Variants in HS3ST4 observed in about 807,000 individuals in gnomAD.
HS3ST4 encodes heparan sulfate-glucosamine 3-sulfotransferase 4.
Under a neutral mutation model 29.2 loss-of-function variants are expected in HS3ST4, and 17 were observed. The observed-to-expected ratio is 0.58, with a 90% CI of 0.40 to 0.87. The LOEUF (loss-of-function observed/expected upper bound fraction) is 0.87. Ranked by LOEUF, HS3ST4 falls within the 40% of genes least tolerant of loss-of-function variation. HS3ST4 has a pLI of 0.00. For missense variants in HS3ST4, 627 were observed against 634.5 expected, an observed-to-expected ratio of 0.99 and a Z score of 0.13; for synonymous variants, 314 against 285.7, an observed-to-expected ratio of 1.10 and a Z score of -1.00.
chr16:26,087,815 G>T (rs1215547023), intron 1 of HS3ST4, among the ~76,000 whole-genome samples: 1 of 152,020 alleles, frequency 6.6e-6, no homozygotes, highest in African/African-American at 2.4e-5. Flanking sequence ...TTTGGATTTT[G>T]GAGCATTTTA....
chr16:25,787,155 T>C (rs1966858923), intron 1 of HS3ST4, among the ~76,000 whole-genome samples: 1 of 152,262 alleles, frequency 6.6e-6, no homozygotes, highest in Admixed American at 6.5e-5. Flanking sequence ...GAATATATAA[T>C]ATAGTTTCAC....
chr16:25,755,878 A>G (rs1235856323), intron 1 of HS3ST4, among the ~76,000 whole-genome samples: 1 of 151,906 alleles, frequency 6.6e-6, no homozygotes. Context: ...TTTCATCATC[A>G]CACTGGCACT....
intron 1 of HS3ST4, among the ~76,000 whole-genome samples, chr16:26,053,533 G>A (rs1898371159): frequency 6.6e-6 from 1 of 152,100 alleles, no homozygotes; most frequent in Non-Finnish European, 1.5e-5. Context: ...TCTTTCTCAG[G>A]AAGACCAAAT....
intron 1 of HS3ST4, among the ~76,000 whole-genome samples, chr16:25,721,730 C>T (rs1269610235): frequency 1.3e-5 from 2 of 152,144 alleles, no homozygotes; most frequent in Non-Finnish European, 2.9e-5. Flanking sequence ...GGATACTGCC[C>T]AGTGCAAGAG....
At chr16:26,122,150 T>C (rs1185011047) in intron 1 of HS3ST4, among the ~76,000 whole-genome samples, 1 of 139,748 alleles carries the variant, frequency 7.2e-6, no homozygotes, top group East Asian at 2.1e-4. Context: ...CACATCCCTA[T>C]GGATACTAAA....
intron 1 of HS3ST4, among the ~76,000 whole-genome samples, chr16:25,817,166 G>A (rs1967101225): frequency 6.6e-6 from 1 of 152,208 alleles, no homozygotes; most frequent in Admixed American, 6.5e-5. Flanking sequence ...ACTCTTCAGT[G>A]TCCTCAACCT....
chr16:25,981,085 C>T (rs781006203), intron 1 of HS3ST4, among the ~76,000 whole-genome samples: 1 of 151,970 alleles, frequency 6.6e-6, no homozygotes, highest in South Asian at 2.1e-4. Flanking sequence ...AGGCTGGGCA[C>T]GGTGCCTCAG....
chr16:25,846,547 AAG>A (rs1967468028), intron 1 of HS3ST4, among the ~76,000 whole-genome samples: 1 of 151,756 alleles, frequency 6.6e-6, no homozygotes, highest in African/African-American at 2.4e-5. Flanking sequence ...AAAAAAAAAA[AAG>A]TTGTATTTTT....
chr16:25,931,610 A>G (rs1351714550), intron 1 of HS3ST4, among the ~76,000 whole-genome samples: 1 of 152,232 alleles, frequency 6.6e-6, no homozygotes, highest in African/African-American at 2.4e-5. Flanking sequence ...GACTGACTTC[A>G]TTATGCAGGA....
chr16:26,115,750 A>G (rs989244479), intron 1 of HS3ST4, among the ~76,000 whole-genome samples: 1 of 152,178 alleles, frequency 6.6e-6, no homozygotes, highest in Non-Finnish European at 1.5e-5. Flanking sequence ...AAAACATTCT[A>G]TAGACTTGGC....
At chr16:26,032,779 C>G in intron 1 of HS3ST4, 8 of 1,332,972 alleles carry the variant, frequency 6.0e-6, no homozygotes, top group Non-Finnish European at 8.6e-6. Flanking sequence ...CTTTATCTCC[C>G]TTAGCATCCC....
intron 1 of HS3ST4, among the ~76,000 whole-genome samples, chr16:25,881,002 C>T (rs1026086024): frequency 1.3e-5 from 2 of 152,072 alleles, no homozygotes; most frequent in African/African-American, 4.8e-5. Context: ...GTATGGATGG[C>T]TCACCCATCA....
intron 1 of HS3ST4, among the ~76,000 whole-genome samples, chr16:26,100,418 C>G (rs1031626153): frequency 1.3e-5 from 2 of 152,206 alleles, no homozygotes; most frequent in East Asian, 3.9e-4. Context: ...TGGGTCAAGT[C>G]TGCACATCCT....
intron 1 of HS3ST4, among the ~76,000 whole-genome samples, chr16:26,110,787 C>G (rs1179950570): frequency 1.3e-5 from 2 of 152,134 alleles, no homozygotes; most frequent in East Asian, 3.9e-4. Flanking sequence ...ATCATCTAGT[C>G]TTGCACTACC....
At position 25,865,684 on chromosome 16, in the gene HS3ST4, T is replaced by A. The variant is rs547373631; in HGVS notation, c.734+172533T>A. On this transcript the variant is annotated intron_variant, in intron 1 of 1. Coordinates refer to ENST00000331351, the MANE Select transcript of HS3ST4 (RefSeq NM_006040.3). ...AGTAAATCAATCAATTTATGGCTAG[T>A]TGATCCTTGACAAAGTTGCCAAGAC... Among the ~76,000 whole-genome samples, 5 of 152,168 alleles carry A rather than the reference T, an allele frequency of 3.3e-5. No individual in the cohort carries two copies. The South Asian group carries it at 1.0e-3, about 32-fold the overall frequency.
At chr16:26,046,116 G>A (rs1320850771) in intron 1 of HS3ST4, among the ~76,000 whole-genome samples, 1 of 146,848 alleles carries the variant, frequency 6.8e-6, no homozygotes, top group African/African-American at 2.5e-5. Flanking sequence ...TTTTGGCTGT[G>A]CTTATATTTC....
chr16:25,990,732 G>A (rs926000110), intron 1 of HS3ST4, among the ~76,000 whole-genome samples: 2 of 152,180 alleles, frequency 1.3e-5, no homozygotes, highest in African/African-American at 2.4e-5. Flanking sequence ...TGCAGGGTGT[G>A]TCAGAACTCA....
At chr16:26,023,642 G>A (rs1471594145) in intron 1 of HS3ST4, among the ~76,000 whole-genome samples, 4 of 152,024 alleles carry the variant, frequency 2.6e-5, no homozygotes, top group African/African-American at 9.7e-5. Flanking sequence ...CCGGCCTCAA[G>A]TGTTCCTCTT....
chr16:25,939,840 A>C (rs1968555478), intron 1 of HS3ST4, among the ~76,000 whole-genome samples: 1 of 152,196 alleles, frequency 6.6e-6, no homozygotes, highest in African/African-American at 2.4e-5. Context: ...TATGCCATGA[A>C]GGGAGCTATG....
Sources: gnomAD v4.1 joint callset for allele counts (sites outside exome capture counted in the v4.1 genomes callset) on GRCh38, gnomAD v4.1.1 for gene constraint, MANE v1.5 for transcripts, NCBI Gene and HGNC (gene_info 2026-07-23, HGNC 2026-07-21) for gene names.